TAFA5: variants seen among roughly 807,000 people sequenced by gnomAD.
The protein encoded by TAFA5 is chemokine-like protein TAFA-5.
A neutral mutation model predicts 15.3 loss-of-function variants in TAFA5; 6 were observed. The ratio of observed to expected loss-of-function variants is 0.39; its 90% CI spans 0.21 to 0.77. The LOEUF is 0.77. TAFA5 is among the 30% of genes least tolerant of loss of function. The pLI is 0.41. For missense variants in TAFA5, 161 were observed against 193.1 expected, an observed-to-expected ratio of 0.83 and a Z score of 0.98; for synonymous variants, 103 against 80.7, an observed-to-expected ratio of 1.28 and a Z score of -1.48.
intron 1 of TAFA5, among the ~76,000 whole-genome samples, chr22:48,562,752 G>A (rs1923281152): frequency 6.6e-6 from 1 of 151,106 alleles, no homozygotes; most frequent in Non-Finnish European, 1.5e-5. Context: ...CTGGTTAATG[G>A]TGGGTCAGGG....
intron 1 of TAFA5, among the ~76,000 whole-genome samples, chr22:48,600,121 C>T (rs1231925214): frequency 6.6e-6 from 1 of 152,164 alleles, no homozygotes; most frequent in East Asian, 1.9e-4. Context: ...TGTGGCCCCC[C>T]GAGGCCCTGG....
At chr22:48,719,425 G>A (rs1929502039) in intron 3 of TAFA5, among the ~76,000 whole-genome samples, 1 of 152,222 alleles carries the variant, frequency 6.6e-6, no homozygotes, top group South Asian at 2.1e-4. Context: ...GGGAGAGGGA[G>A]GCTGAGCTCA....
chr22:48,674,354 C>G (rs905727650), intron 2 of TAFA5, among the ~76,000 whole-genome samples: 1 of 151,560 alleles, frequency 6.6e-6, no homozygotes, highest in African/African-American at 2.4e-5. Context: ...CGGTTCCTTT[C>G]TGGCACCCGT....
At chr22:48,571,917 T>G (rs1435908717) in intron 1 of TAFA5, among the ~76,000 whole-genome samples, 1 of 152,098 alleles carries the variant, frequency 6.6e-6, no homozygotes, top group Non-Finnish European at 1.5e-5. Flanking sequence ...TCATTCCCAT[T>G]TTACCATTCA....
intron 1 of TAFA5, among the ~76,000 whole-genome samples, chr22:48,572,779 A>G (rs1164832997): frequency 1.3e-5 from 2 of 152,260 alleles, no homozygotes; most frequent in African/African-American, 4.8e-5. Context: ...CACATTACAT[A>G]CAAAGTCTAG....
At chr22:48,514,491 A>G (rs1569164396) in intron 1 of TAFA5, among the ~76,000 whole-genome samples, 1 of 152,164 alleles carries the variant, frequency 6.6e-6, no homozygotes, top group Non-Finnish European at 1.5e-5. Flanking sequence ...GGGTTAATTG[A>G]GGTGGCCGCG....
intron 1 of TAFA5, among the ~76,000 whole-genome samples, chr22:48,638,724 A>G (rs1926558513): frequency 8.1e-6 from 1 of 123,452 alleles, no homozygotes; most frequent in Non-Finnish European, 1.6e-5. Flanking sequence ...CACAGGGGGG[A>G]CCCCGACACT....
At chr22:48,632,581 C>T (rs962833744) in intron 1 of TAFA5, among the ~76,000 whole-genome samples, 7 of 151,488 alleles carry the variant, frequency 4.6e-5, no homozygotes, top group Admixed American at 1.3e-4. Flanking sequence ...CAGAACGTGC[C>T]GGGCCCTGGA....
intron 1 of TAFA5, among the ~76,000 whole-genome samples, chr22:48,637,954 C>G (rs1022455524): frequency 6.6e-6 from 1 of 152,144 alleles, no homozygotes; most frequent in Non-Finnish European, 1.5e-5. Flanking sequence ...GCTGTCCTGC[C>G]CGGGGGTCAC....
At chr22:48,696,997 G>C (rs576990180) in intron 2 of TAFA5, among the ~76,000 whole-genome samples, 2 of 152,322 alleles carry the variant, frequency 1.3e-5, no homozygotes, top group Admixed American at 6.5e-5. Flanking sequence ...GGTTAGATGA[G>C]AAACCAGGGG....
intron 3 of TAFA5, among the ~76,000 whole-genome samples, chr22:48,724,094 A>G (rs1306974549): frequency 2.0e-5 from 3 of 152,074 alleles, no homozygotes; most frequent in African/African-American, 7.2e-5. Flanking sequence ...TTGCTGCAGC[A>G]GGAGAGACTC....
intron 3 of TAFA5, among the ~76,000 whole-genome samples, chr22:48,715,161 C>T (rs565778804): frequency 2.2e-4 from 33 of 152,342 alleles, no homozygotes; most frequent in Admixed American, 1.9e-3. Flanking sequence ...CCACTGAACT[C>T]ACCCGGCCCA....
chr22:48,677,771 G>A (rs892118947), intron 2 of TAFA5, among the ~76,000 whole-genome samples: 3 of 152,160 alleles, frequency 2.0e-5, no homozygotes, highest in Admixed American at 6.5e-5. Context: ...TCGGGCGGGC[G>A]TGGCGTCCCC....
At chr22:48,657,126 T>C (rs926538820) in intron 2 of TAFA5, among the ~76,000 whole-genome samples, 2 of 151,994 alleles carry the variant, frequency 1.3e-5, no homozygotes, top group East Asian at 1.9e-4. Flanking sequence ...TAGGCTGATA[T>C]GAGGGAGTAG....
chr22:48,631,686 C>G (rs984605679), intron 1 of TAFA5, among the ~76,000 whole-genome samples: 4 of 152,224 alleles, frequency 2.6e-5, no homozygotes, highest in Non-Finnish European at 5.9e-5. Context: ...ATTAGTTGCT[C>G]TTGCCCGACC....
chr22:48,513,067 C>T (rs1343832960), intron 1 of TAFA5, among the ~76,000 whole-genome samples: 1 of 152,040 alleles, frequency 6.6e-6, no homozygotes, highest in African/African-American at 2.4e-5. Context: ...ATCACTCTGA[C>T]ACAGCCACTC....
At chr22:48,622,374 G>A (rs1925870231) in intron 1 of TAFA5, among the ~76,000 whole-genome samples, 1 of 152,192 alleles carries the variant, frequency 6.6e-6, no homozygotes, top group Non-Finnish European at 1.5e-5. Flanking sequence ...AAAAGCATCT[G>A]CCCCAGACGC....
Position 48,700,645 on chromosome 22 carries a change from G to A in TAFA5, c.263-7072G>A, listed in dbSNP as rs116133879. The stretch of plus-strand genomic sequence containing the variant: ...TACACGTGAGTGTGCACGTGGATGT[G>A]CATGTTTGCCTGTGGGCACCTGTGT... On this transcript the variant is annotated intron_variant, in intron 2 of 3. Coordinates refer to ENST00000402357, the MANE Select transcript of TAFA5 (RefSeq NM_001082967.3). 6.6e-3 allele frequency among the ~76,000 whole-genome samples: 1,002 copies of A among 152,292 alleles called. 10 individuals carry two copies. Among genetic ancestry groups the A allele is most frequent in the African/African-American group, 0.023 (955 of 41,546 alleles).
chr22:48,594,177 C>CGGCT (rs1924676479), intron 1 of TAFA5, among the ~76,000 whole-genome samples: 1 of 152,146 alleles, frequency 6.6e-6, no homozygotes, highest in Non-Finnish European at 1.5e-5. Context: ...GGGAAGCAGG[C>CGGCT]GGCTGCTCTT....
Sources: allele counts gnomAD v4.1 joint callset (sites outside exome capture counted in the v4.1 genomes callset), GRCh38; gene constraint gnomAD v4.1.1; transcripts MANE v1.5; gene names NCBI Gene and HGNC (gene_info 2026-07-23, HGNC 2026-07-21).